Variants in KIAA1549L observed in about 807,000 individuals in gnomAD.
KIAA1549L encodes the protein UPF0606 protein KIAA1549L.
Under a neutral mutation model 160.7 loss-of-function variants are expected in KIAA1549L, and 88 were observed. That is an observed-to-expected ratio of 0.55 (90% CI 0.46 to 0.65). KIAA1549L has a LOEUF of 0.65. Among genes scored for constraint, KIAA1549L ranks in the 30% least tolerant of loss-of-function variants. The pLI, the probability that KIAA1549L is intolerant of heterozygous loss-of-function variation, is 0.00. For synonymous variants in KIAA1549L, 950 were observed against 976.7 expected, an observed-to-expected ratio of 0.97 and a Z score of 0.51; for missense variants, 2,258 against 2,437.5, an observed-to-expected ratio of 0.93 and a Z score of 1.55.
chr11:33,397,874 T>A (rs183172064), intron 1 of KIAA1549L, among the ~76,000 whole-genome samples: 3,344 of 151,324 alleles, frequency 0.022, 120 homozygotes, highest in African/African-American at 0.077. Flanking sequence ...TTGTTTTTTT[T>A]AAATCAGGTT....
At chr11:33,664,012 C>T (rs140073342) in intron 20 of KIAA1549L, among the ~76,000 whole-genome samples, 2 of 152,296 alleles carry the variant, frequency 1.3e-5, no homozygotes, top group African/African-American at 4.8e-5. Context: ...AGCCCAATAA[C>T]CTGTACCTTC....
rs1419249718 is a variant in KIAA1549L at position 33,645,861 on chromosome 11, C to A, written c.5585C>A (p.Ala1862Glu). 2 of 1,613,792 alleles carry A rather than the reference C, an allele frequency of 1.2e-6. No individual in the cohort carries two copies. Among genetic ancestry groups the A allele is most frequent in the Non-Finnish European group, 1.7e-6 (2 of 1,179,918 alleles). The change falls in exon 17 of 21, where the codon GCA becomes GAA. Residue 1862 changes from alanine to glutamate, a missense_variant. By Grantham distance (107) the Ala-to-Glu change is moderately radical. Around this residue, in one of 6 missense-constraint regions of KIAA1549L, gnomAD observed 1,359 missense variants for 1,546.6 expected, o/e 0.88. Coordinates refer to ENST00000658780, the MANE Select transcript of KIAA1549L (RefSeq NM_012194.3). ...HMLLEEAFSL[A>E]SAGHAGQSRH... ...CTGCTGGAGGAGGCCTTCAGCCTGGCATCCGCGGGCCACGCAGGCCAGAGC... is the reference window on the plus strand; with the variant it reads ...CTGCTGGAGGAGGCCTTCAGCCTGGAATCCGCGGGCCACGCAGGCCAGAGC...
intron 1 of KIAA1549L, among the ~76,000 whole-genome samples, chr11:33,418,176 G>T (rs145805687): frequency 6.6e-6 from 1 of 152,328 alleles, no homozygotes; most frequent in Non-Finnish European, 1.5e-5. Context: ...TAGAATATCA[G>T]ACCAATGAGG....
intron 1 of KIAA1549L, among the ~76,000 whole-genome samples, chr11:33,432,815 C>CA (rs1387117475): frequency 6.6e-6 from 1 of 152,122 alleles, no homozygotes; most frequent in Non-Finnish European, 1.5e-5. Context: ...AAAAACCTGA[C>CA]AAAAATAAGC....
chr11:33,602,621 T>G (rs982762729), intron 13 of KIAA1549L, among the ~76,000 whole-genome samples: 2 of 151,944 alleles, frequency 1.3e-5, no homozygotes, highest in Non-Finnish European at 1.5e-5. Flanking sequence ...AGATACAAGA[T>G]AACTATTCAG....
intron 6 of KIAA1549L, 106 bp downstream of exon 6, chr11:33,552,347 G>T: frequency 5.6e-6 from 7 of 1,246,532 alleles, no homozygotes; most frequent in Non-Finnish European, 6.7e-6. Context: ...ATGTATAAAT[G>T]TAACTTTGTA....
At position 33,443,374 on chromosome 11, in the gene KIAA1549L, G is replaced by A. The variant is rs189697256; in HGVS notation, c.238+66485G>A. 2.9e-3 allele frequency among the ~76,000 whole-genome samples: 447 copies of A among 151,874 alleles called. 4 individuals carry two copies. Among genetic ancestry groups the A allele is most frequent in the African/African-American group, 0.01 (416 of 41,408 alleles). On this transcript the variant is annotated intron_variant, in intron 1 of 20. Transcript: ENST00000658780. ...CCTTAAAACTTTATCTGTGGGGATTGTTAGAGCCCTGTGTTTAAAGTGACT... is the reference window on the plus strand; with the variant it reads ...CCTTAAAACTTTATCTGTGGGGATTATTAGAGCCCTGTGTTTAAAGTGACT...
At chr11:33,480,412 T>C (rs1171701662) in intron 1 of KIAA1549L, among the ~76,000 whole-genome samples, 1 of 152,234 alleles carries the variant, frequency 6.6e-6, no homozygotes, top group Non-Finnish European at 1.5e-5. Flanking sequence ...AGATGGGCTT[T>C]ACTTTATTTG....
At chr11:33,405,980 T>G (rs1447535978) in intron 1 of KIAA1549L, among the ~76,000 whole-genome samples, 1 of 152,032 alleles carries the variant, frequency 6.6e-6, no homozygotes, top group Non-Finnish European at 1.5e-5. Flanking sequence ...TATAGGAAGG[T>G]TAATGGGTTC....
chr11:33,529,204 T>C (rs1378510107), intron 1 of KIAA1549L, among the ~76,000 whole-genome samples: 5 of 151,958 alleles, frequency 3.3e-5, no homozygotes, highest in Non-Finnish European at 7.4e-5. Flanking sequence ...AGTGTGGCGG[T>C]ATGTCCCTGT....
At chr11:33,632,724 A>G (rs1851330916) in intron 16 of KIAA1549L, among the ~76,000 whole-genome samples, 1 of 151,382 alleles carries the variant, frequency 6.6e-6, no homozygotes, top group Non-Finnish European at 1.5e-5. Flanking sequence ...AACTACTACT[A>G]CCATACCTGG....
intron 1 of KIAA1549L, among the ~76,000 whole-genome samples, chr11:33,412,226 A>G (rs1258236483): frequency 3.3e-5 from 5 of 152,210 alleles, no homozygotes; most frequent in Non-Finnish European, 5.9e-5. Context: ...TATTTCTTAC[A>G]TGAATATTTT....
chr11:33,522,046 T>C (rs1853506276), intron 1 of KIAA1549L, among the ~76,000 whole-genome samples: 1 of 152,226 alleles, frequency 6.6e-6, no homozygotes, highest in Admixed American at 6.5e-5. Context: ...TTATGGAATT[T>C]TTAAAATAAA....
chr11:33,489,465 G>A (rs1239645137), intron 1 of KIAA1549L, among the ~76,000 whole-genome samples: 1 of 152,202 alleles, frequency 6.6e-6, no homozygotes, highest in Non-Finnish European at 1.5e-5. Flanking sequence ...GGGCTTCAAT[G>A]TATGGATTTT....
At chr11:33,405,839 CAAAAAAAAAAAAA>C (rs35479859) in intron 1 of KIAA1549L, among the ~76,000 whole-genome samples, 16 of 68,872 alleles carry the variant, frequency 2.3e-4, no homozygotes, top group African/African-American at 7.5e-4. Flanking sequence ...CAGTCTGTCT[CAAAAAAAAAAAAA>C]AAAAAAAAAA....
intron 1 of KIAA1549L, among the ~76,000 whole-genome samples, chr11:33,444,777 A>G (rs567140022): frequency 1.3e-5 from 2 of 152,228 alleles, no homozygotes; most frequent in African/African-American, 4.8e-5. Context: ...TGCTCCAAAT[A>G]AGACCAACCA....
intron 15 of KIAA1549L, among the ~76,000 whole-genome samples, chr11:33,611,691 A>G (rs1850653032): frequency 6.6e-6 from 1 of 152,018 alleles, no homozygotes; most frequent in African/African-American, 2.4e-5. Flanking sequence ...TTGGGATAGG[A>G]GCTGGGATGG....
chr11:33,650,618 C>T (rs892214337), intron 17 of KIAA1549L, among the ~76,000 whole-genome samples: 5 of 152,126 alleles, frequency 3.3e-5, no homozygotes, highest in Middle Eastern at 3.2e-3. Context: ...AGAGCATAGC[C>T]GTATCCTCTT....
chr11:33,583,340 G>A lies in KIAA1549L; in HGVS notation c.4405G>A (p.Val1469Met), dbSNP rs986663743. 6 of 1,603,394 alleles carry A rather than the reference G, an allele frequency of 3.7e-6. No individual in the cohort carries two copies. Among genetic ancestry groups the A allele is most frequent in the Non-Finnish European group, 5.1e-6 (6 of 1,175,060 alleles). Residue 1469 changes from valine to methionine, a missense_variant and splice_region_variant, in exon 11 of 21, where the codon GTG (valine) becomes ATG (methionine). Val to Met is a conservative substitution (Grantham distance 21). Coordinates refer to ENST00000658780, the MANE Select transcript of KIAA1549L (RefSeq NM_012194.3). ...HHVVLLQADPVVKNPPNNLWI... is the reference protein window; with the variant it reads ...HHVVLLQADPMVKNPPNNLWI... ...CTCCTGCTGGCTCTTTCCCACAGCCGTGGTGAAGAACCCGCCCAATAACCT... is the reference window on the plus strand; with the variant it reads ...CTCCTGCTGGCTCTTTCCCACAGCCATGGTGAAGAACCCGCCCAATAACCT...
Sources: allele counts gnomAD v4.1 joint callset (sites outside exome capture counted in the v4.1 genomes callset), GRCh38; gene constraint gnomAD v4.1.1; regional missense constraint gnomAD v4.1.1; transcripts MANE v1.5; gene names NCBI Gene and HGNC (gene_info 2026-07-23, HGNC 2026-07-21).